Variants in NYAP2 observed in about 807,000 individuals in gnomAD.
The protein encoded by NYAP2 is neuronal tyrosine-phosphorylated phosphoinositide-3-kinase adaptor 2.
In NYAP2, 23 loss-of-function variants were observed where a neutral mutation model predicts 50.4. The ratio of observed to expected loss-of-function variants is 0.46; its 90% CI spans 0.33 to 0.65. NYAP2 has a LOEUF of 0.65. Ranked by LOEUF, NYAP2 falls within the 30% of genes least tolerant of loss-of-function variation. The pLI is 0.02. For missense variants in NYAP2, 885 were observed against 861.0 expected, an observed-to-expected ratio of 1.03 and a Z score of -0.35; for synonymous variants, 394 against 365.2, an observed-to-expected ratio of 1.08 and a Z score of -0.90.
chr2:225,500,429 CTGGAT>C (rs1690585539), intron 3 of NYAP2, among the ~76,000 whole-genome samples: 1 of 152,182 alleles, frequency 6.6e-6, no homozygotes, highest in Non-Finnish European at 1.5e-5. Context: ...GCTAGGATTT[CTGGAT>C]CTGTCTGAGG....
the NYAP2 span, among the ~76,000 whole-genome samples, chr2:225,676,636 G>T: frequency 6.6e-6 from 1 of 152,168 alleles, no homozygotes; most frequent in Non-Finnish European, 1.5e-5. Flanking sequence ...ATAAGATCTT[G>T]TGAGACCCAT....
the NYAP2 span, among the ~76,000 whole-genome samples, chr2:225,685,313 C>G: frequency 3.7e-4 from 56 of 152,094 alleles, no homozygotes; most frequent in Non-Finnish European, 7.4e-4. Context: ...TGAAATTAAA[C>G]TTGAAATTGT....
intron 3 of NYAP2, among the ~76,000 whole-genome samples, chr2:225,445,486 T>C (rs1689538121): frequency 6.6e-6 from 1 of 152,078 alleles, no homozygotes; most frequent in Admixed American, 6.6e-5. Flanking sequence ...GACAAAGTTT[T>C]CAGAGTGCCA....
intron 4 of NYAP2, among the ~76,000 whole-genome samples, chr2:225,522,144 A>G (rs1042032938): frequency 1.3e-5 from 2 of 151,586 alleles, no homozygotes; most frequent in South Asian, 2.1e-4. Flanking sequence ...TTTTTATTGC[A>G]TCTATTTGAT....
the NYAP2 span, among the ~76,000 whole-genome samples, chr2:225,662,357 G>A: frequency 2.0e-5 from 3 of 152,312 alleles, no homozygotes; most frequent in Admixed American, 6.5e-5. Flanking sequence ...TGAGCACATC[G>A]AACCCTTTCC....
chr2:225,458,726 C>T (rs1184423018), intron 3 of NYAP2, among the ~76,000 whole-genome samples: 1 of 152,194 alleles, frequency 6.6e-6, no homozygotes, highest in Non-Finnish European at 1.5e-5. Flanking sequence ...CGTGTCCCAC[C>T]TTTAGCAGCT....
At position 225,544,607 on chromosome 2, in the gene NYAP2, G is replaced by C. The variant is rs145782055; in HGVS notation, c.523+30935G>C. On this transcript the variant is annotated intron_variant, in intron 4 of 6. Transcript: ENST00000636099. ...TTCGTCTCCTATTTTTTAACATTTC[G>C]TTGTTTCTCTTTATGTCTTGTTGTA... Among the ~76,000 whole-genome samples, 140 of 152,044 alleles carry C rather than the reference G, an allele frequency of 9.2e-4. 1 individual carries two copies. The highest frequency in any genetic ancestry group is 3.2e-3 in the African/African-American group (132 of 41,502).
At chr2:225,529,854 C>A (rs1452380461) in intron 4 of NYAP2, among the ~76,000 whole-genome samples, 1 of 152,092 alleles carries the variant, frequency 6.6e-6, no homozygotes, top group Non-Finnish European at 1.5e-5. Flanking sequence ...AGTACAGGTG[C>A]CTGCCACCAC....
At chr2:225,699,000 A>G in the NYAP2 span, 2 of 151,916 alleles carry the variant, frequency 1.3e-5, no homozygotes, top group East Asian at 1.9e-4. Context: ...ATCATGTTCA[A>G]TCACGTAATA....
chr2:225,545,840 A>G (rs2106206697), intron 4 of NYAP2, among the ~76,000 whole-genome samples: 1 of 152,130 alleles, frequency 6.6e-6, no homozygotes, highest in South Asian at 2.1e-4. Flanking sequence ...TATTGGAAAG[A>G]CTTTCTAGGT....
intron 3 of NYAP2, among the ~76,000 whole-genome samples, chr2:225,497,606 A>G (rs73075292): frequency 0.021 from 3,227 of 152,324 alleles, 93 homozygotes; most frequent in African/African-American, 0.073. Flanking sequence ...CTGGGTTTAT[A>G]TGTGCATTTA....
intron 6 of NYAP2, among the ~76,000 whole-genome samples, chr2:225,648,651 G>A (rs958308574): frequency 6.6e-6 from 1 of 152,142 alleles, no homozygotes; most frequent in Non-Finnish European, 1.5e-5. Flanking sequence ...TGGACCCTAA[G>A]ACTTTAGGAA....
intron 3 of NYAP2, among the ~76,000 whole-genome samples, chr2:225,451,942 A>G (rs1689660872): frequency 6.6e-6 from 1 of 152,120 alleles, no homozygotes; most frequent in Non-Finnish European, 1.5e-5. Flanking sequence ...CTCTCATTAC[A>G]TATATATGCA....
intron 5 of NYAP2, among the ~76,000 whole-genome samples, chr2:225,599,047 C>G (rs1452980242): frequency 6.6e-6 from 1 of 152,138 alleles, no homozygotes; most frequent in African/African-American, 2.4e-5. Context: ...TTCCTTCCCC[C>G]ACACCTCCTT....
intron 3 of NYAP2, among the ~76,000 whole-genome samples, chr2:225,429,416 T>C (rs1001129419): frequency 6.6e-6 from 1 of 152,236 alleles, no homozygotes; most frequent in African/African-American, 2.4e-5. Context: ...TCCGTAATAG[T>C]GTCTTCAGAT....
chr2:225,406,793 A>G (rs146970432), intron 2 of NYAP2, among the ~76,000 whole-genome samples: 1 of 152,184 alleles, frequency 6.6e-6, no homozygotes, highest in African/African-American at 2.4e-5. Context: ...AAAATAATTT[A>G]AATTCCAGCC....
At chr2:225,506,405 A>T (rs1230882171) in intron 3 of NYAP2, among the ~76,000 whole-genome samples, 2 of 152,220 alleles carry the variant, frequency 1.3e-5, no homozygotes, top group East Asian at 3.9e-4. Flanking sequence ...GATGTAACTA[A>T]TTATGCCTCT....
chr2:225,572,113 C>G (rs1175027336), intron 4 of NYAP2, among the ~76,000 whole-genome samples: 1 of 152,232 alleles, frequency 6.6e-6, no homozygotes, highest in African/African-American at 2.4e-5. Flanking sequence ...ACATCACTAT[C>G]AGCATTTGGG....
chr2:225,492,091 T>C (rs1231252504), intron 3 of NYAP2, among the ~76,000 whole-genome samples: 1 of 152,132 alleles, frequency 6.6e-6, no homozygotes, highest in Non-Finnish European at 1.5e-5. Context: ...AGAAGATCCA[T>C]GTGCCCTTTC....
Sources: allele counts gnomAD v4.1 joint callset (sites outside exome capture counted in the v4.1 genomes callset), GRCh38; gene constraint gnomAD v4.1.1; transcripts MANE v1.5; gene names NCBI Gene and HGNC (gene_info 2026-07-23, HGNC 2026-07-21).